Variants in POU2F2 observed in about 807,000 individuals in gnomAD.
The protein encoded by POU2F2 is POU class 2 homeobox 2, also known as POU domain, class 2, transcription factor 2.
POU2F2 carries 14 observed loss-of-function variants against 63.5 expected under a neutral mutation model. That is an observed-to-expected ratio of 0.22 (90% CI 0.15 to 0.34). The LOEUF (loss-of-function observed/expected upper bound fraction) is 0.34. POU2F2 is among the 10% of genes least tolerant of loss of function. The probability of loss-of-function intolerance (pLI) is 1.00; values close to 1 mark genes in which losing one functional copy is unlikely to be tolerated. For synonymous variants in POU2F2, 306 were observed against 348.6 expected (o/e 0.88, Z 1.36); for missense variants, 607 against 815.2 (o/e 0.74, Z 3.11).
At chr19:42,103,223 C>T (rs1359944356) in intron 5 of POU2F2, among the ~76,000 whole-genome samples, 2 of 152,114 alleles carry the variant, frequency 1.3e-5, no homozygotes, top group Non-Finnish European at 2.9e-5. Flanking sequence ...CCCATTTCAT[C>T]TCCCTCACAA....
chr19:42,130,703 A>G (rs2033626809), intron 1 of POU2F2, among the ~76,000 whole-genome samples: 1 of 150,714 alleles, frequency 6.6e-6, no homozygotes, highest in African/African-American at 2.4e-5. Flanking sequence ...TCTTCCTTTC[A>G]TCCCACCCCT....
chr19:42,098,213 G>A (rs1300729225), intron 7 of POU2F2, among the ~76,000 whole-genome samples: 2 of 152,172 alleles, frequency 1.3e-5, no homozygotes, highest in East Asian at 1.9e-4. Context: ...AGGAGTTCGA[G>A]ACCAGCCTGG....
chr19:42,110,781 A>G (rs910754348), intron 5 of POU2F2: 31 of 455,444 alleles, frequency 6.8e-5, no homozygotes, highest in African/African-American at 3.2e-4. Flanking sequence ...AAATGAGACA[A>G]TATGTGTAGA....
At position 42,091,423 on chromosome 19, in the gene POU2F2, A is replaced by C; in HGVS notation, c.1709T>G (p.Val570Gly). Residue 570 changes from valine (V) to glycine (G), a missense_variant, in exon 15 of 15, where the codon GTC becomes GGC. This residue lies in a region of POU2F2 where 270 missense variants were observed against 307.5 expected (regional missense o/e 0.88). Transcript: ENST00000692977. Reference protein sequence around the residue: ...LLSTPPGVGLVSAAAAAVAAS... With the variant: ...LLSTPPGVGLGSAAAAAVAAS... ...TGCCACAGCCGCAGCCGCTGCTGAG[A>C]CCAGGCCCACACCAGGCGGGGTGCT... 6.5e-7 allele frequency: 1 copy of C among 1,549,668 alleles called. No homozygotes were observed. The highest frequency in any genetic ancestry group is 1.2e-5 in the South Asian group (1 of 84,040).
In POU2F2 at chr19:42,152,437, C is replaced by T. The variant is rs766570982; in HGVS notation, c.-9+7895G>A. 2.6e-5 allele frequency: 4 copies of T among 152,284 alleles called. No homozygotes were observed. The highest frequency in any genetic ancestry group is 5.9e-5 in the Non-Finnish European group (4 of 68,178). 9.4% of individuals were successfully genotyped at this position (152,284 alleles called of 1,614,324 possible). On this transcript the variant is annotated intron_variant, in intron 2 of 6. Coordinates refer to the POU2F2 transcript ENST00000524801. The surrounding 1 kb of genome is among the most constrained non-coding windows in gnomAD (Gnocchi z 4.1). ...CCCTCCCCCAAACCTCCCCTCCCTTCTCTCCCTCTCTCTTTCTCGGCTGGC... is the reference window on the plus strand; with the variant it reads ...CCCTCCCCCAAACCTCCCCTCCCTTTTCTCCCTCTCTCTTTCTCGGCTGGC...
At position 42,166,700 on chromosome 19, in the gene POU2F2, G is replaced by A. The variant is rs1338846811; in HGVS notation, c.-69-6308C>T. Among the ~76,000 whole-genome samples the A allele has an allele frequency of 2.0e-5, 3 of 152,088 alleles. 1 individual carries two copies. The highest frequency in any genetic ancestry group is 4.4e-5 in the Non-Finnish European group (3 of 68,018). On this transcript the variant is annotated intron_variant, in intron 1 of 6. Transcript: ENST00000524801. ...GATTGGAGTGAGGGGAGGGTCGTGA[G>A]GGAGATGAGGGTGCAGGATGGGAGC... is the stretch of plus-strand genomic sequence containing the variant.
chr19:42,096,276 G>T lies in POU2F2; in HGVS notation c.568-33C>A. ...GGTGGGCAGGTGGGTGGGATGCAGG[G>T]CGGAGGACCAGGATGGGGCTCAGCG... On this transcript the variant is annotated intron_variant, in intron 7 of 14. Coordinates refer to ENST00000692977, the MANE Select transcript of POU2F2 (RefSeq NM_001394376.1). This position sits in a 1 kb window ranked among gnomAD's most constrained non-coding sequence, Gnocchi z 4.1. 1 of 1,515,794 alleles carries T rather than the reference G, an allele frequency of 6.6e-7. No homozygotes were observed. The highest frequency in any genetic ancestry group is 1.4e-5 in the African/African-American group (1 of 73,208). The allele number at this position is 1,515,794 out of a possible 1,614,324, so 93.9% of individuals were successfully genotyped here.
intron 4 of POU2F2, among the ~76,000 whole-genome samples, chr19:42,119,611 G>A (rs957282318): frequency 3.3e-5 from 5 of 152,196 alleles, no homozygotes; most frequent in African/African-American, 1.2e-4. Flanking sequence ...AGGTGGAGGT[G>A]CAGTGAGCCA....
Position 42,091,218 on chromosome 19 carries a change from C to A in POU2F2, c.*39G>T. On this transcript the variant is annotated 3_prime_UTR_variant, in exon 15 of 15. Transcript: ENST00000692977. ...CCTCTTCCCAGGCAAGGGACCAAGGCAGGGACCAGAGGAATGGGAGGGGAG... is the reference window on the plus strand; with the variant it reads ...CCTCTTCCCAGGCAAGGGACCAAGGAAGGGACCAGAGGAATGGGAGGGGAG... 1 of 1,495,952 alleles carries A rather than the reference C, an allele frequency of 6.7e-7. No homozygotes were observed. Among genetic ancestry groups the A allele is most frequent in the Non-Finnish European group, 8.9e-7 (1 of 1,124,384 alleles). The allele number at this position is 1,495,952 out of a possible 1,614,324, so 92.7% of individuals were successfully genotyped here. A position where few individuals can be genotyped will look rare whatever the true frequency, so the allele number is the denominator to read the frequency against.
At chr19:42,138,373 C>T (rs2034060566) in intron 2 of POU2F2, among the ~76,000 whole-genome samples, 1 of 150,206 alleles carries the variant, frequency 6.7e-6, no homozygotes, top group Non-Finnish European at 1.5e-5. Context: ...CAGGGTAGGA[C>T]CTGAGGTCCT....
chr19:42,162,164 C>G lies in POU2F2; in HGVS notation c.-69-1772G>C, dbSNP rs1023337456. On this transcript the variant is annotated intron_variant, in intron 1 of 6. Transcript: ENST00000524801. This position sits in a 1 kb window ranked among gnomAD's most constrained non-coding sequence, Gnocchi z 4.1. ...GGCAGTGCCCCCACCTTGGGCTTCC[C>G]TCCAGCAGGGCCCACACTTGAGTCT... 3.3e-5 allele frequency among the ~76,000 whole-genome samples: 5 copies of G among 152,158 alleles called. No homozygotes were observed. Among genetic ancestry groups the G allele is most frequent in the Non-Finnish European group, 7.4e-5 (5 of 68,024 alleles).
chr19:42,105,600 TG>T (rs1423132282), intron 5 of POU2F2, among the ~76,000 whole-genome samples: 1 of 152,176 alleles, frequency 6.6e-6, no homozygotes. Context: ...GAGGAAAGAA[TG>T]GGGAAAGTGC....
chr19:42,109,181 G>A (rs909071167), intron 5 of POU2F2, among the ~76,000 whole-genome samples: 3 of 152,226 alleles, frequency 2.0e-5, no homozygotes, highest in Non-Finnish European at 4.4e-5. Context: ...TCACTGAGGA[G>A]GAGCCCCAGA....
At chr19:42,179,493 G>C (rs1320047224), upstream of POU2F2, among the ~76,000 whole-genome samples, 1 of 151,960 alleles carries the variant, frequency 6.6e-6, no homozygotes, top group Non-Finnish European at 1.5e-5. Context: ...CCAGACCTGG[G>C]AGGGGGTGTG....
upstream of POU2F2, chr19:42,137,065 T>A (rs2146749956): frequency 6.6e-6 from 1 of 152,372 alleles, no homozygotes; most frequent in Non-Finnish European, 1.5e-5. Flanking sequence ...AATTTATCAC[T>A]TAATAAATAT....
At chr19:42,148,829 A>C (rs527506930) in intron 2 of POU2F2, among the ~76,000 whole-genome samples, 4 of 148,688 alleles carry the variant, frequency 2.7e-5, no homozygotes, top group Non-Finnish European at 4.4e-5. Flanking sequence ...GCAATGAACC[A>C]GACACCAGTG....
At chr19:42,109,641 T>G (rs2030751237) in intron 5 of POU2F2, among the ~76,000 whole-genome samples, 1 of 152,134 alleles carries the variant, frequency 6.6e-6, no homozygotes, top group Admixed American at 6.6e-5. Context: ...AGTTTTAGTT[T>G]TAGTTTTTGT....
intron 5 of POU2F2, among the ~76,000 whole-genome samples, chr19:42,101,973 T>C (rs2077159862): frequency 2.1e-5 from 3 of 142,286 alleles, no homozygotes. Context: ...TGAGACTCCA[T>C]CTCAAAAAAA....
intron 1 of POU2F2, among the ~76,000 whole-genome samples, chr19:42,182,169 G>A (rs992410357): frequency 6.6e-6 from 1 of 151,884 alleles, no homozygotes; most frequent in South Asian, 2.1e-4. Context: ...TTGAACTCAG[G>A]AGGCAGAGGT....
Sources: allele counts gnomAD v4.1 joint callset (sites outside exome capture counted in the v4.1 genomes callset), GRCh38; gene constraint gnomAD v4.1.1; regional missense constraint gnomAD v4.1.1; non-coding constraint Gnocchi (gnomAD v3.1); transcripts MANE v1.5; gene names NCBI Gene and HGNC (gene_info 2026-07-23, HGNC 2026-07-21).